Variants in ALKBH3 observed in about 807,000 individuals in gnomAD.
The protein encoded by ALKBH3 is alpha-ketoglutarate-dependent dioxygenase alkB homolog 3.
In ALKBH3, 51 loss-of-function variants were observed where a neutral mutation model predicts 43.9. The ratio of observed to expected loss-of-function variants is 1.16; its 90% CI spans 0.93 to 1.47. ALKBH3 has a LOEUF of 1.47. ALKBH3 is among the 40% of genes most tolerant of loss of function. ALKBH3 has a pLI of 0.00. For missense variants in ALKBH3, 361 were observed against 351.9 expected (o/e 1.03, Z -0.21); for synonymous variants, 102 against 115.2 (o/e 0.89, Z 0.73).
intron 7 of ALKBH3, among the ~76,000 whole-genome samples, chr11:43,892,825 TG>T (rs1951793422): frequency 6.6e-6 from 1 of 152,202 alleles, no homozygotes; most frequent in African/African-American, 2.4e-5. Context: ...CACAGAAATG[TG>T]ACACATTTCA....
chr11:43,891,955 C>A, intron 6 of ALKBH3, 86 bp from the exon 7 acceptor site: 2 of 984,726 alleles, frequency 2.0e-6, no homozygotes, highest in South Asian at 1.4e-5. Context: ...TTTCTCATAG[C>A]ACATTGCAAG....
At chr11:43,902,565 G>A (rs2460125) in intron 8 of ALKBH3, among the ~76,000 whole-genome samples, 127,143 of 152,234 alleles carry the variant, frequency 0.84, 53,962 homozygotes, top group East Asian at 0.98. Context: ...AGACCCAGTC[G>A]GTGTGGAAGG....
intron 2 of ALKBH3, 111 bp from the exon 3 acceptor site, chr11:43,882,974 T>G: frequency 1.1e-6 from 1 of 911,496 alleles, no homozygotes; most frequent in South Asian, 1.7e-5. Flanking sequence ...CCAGTTAGTT[T>G]CTACATGTCA....
rs567532090 is a variant in ALKBH3 at position 43,902,960 on chromosome 11, C to T, written c.669+1235C>T. On this transcript the variant is annotated intron_variant, in intron 8 of 9. Coordinates refer to ENST00000302708, the MANE Select transcript of ALKBH3 (RefSeq NM_139178.4). ...ATTATTAGTTCTTGTGTCAGTTCTT[C>T]GTCAGATATACTTCCATAAGAATAC... Among the ~76,000 whole-genome samples the T allele has an allele frequency of 1.2e-3, 187 of 152,286 alleles. 1 individual carries two copies. Among genetic ancestry groups the T allele is most frequent in the African/African-American group, 4.1e-3 (169 of 41,572 alleles).
At chr11:43,916,025 A>G (rs1380550469) in intron 8 of ALKBH3, among the ~76,000 whole-genome samples, 1 of 152,264 alleles carries the variant, frequency 6.6e-6, no homozygotes, top group Non-Finnish European at 1.5e-5. Flanking sequence ...TTTATATTCT[A>G]GAAGGAAAAC....
rs774168746 is a variant in ALKBH3 at position 43,901,687 on chromosome 11, G to T, written c.631G>T (p.Ala211Ser). ...CATTATTGCTTCACTAAGTTTTGGT[G>T]CCACACGCACATTTGAGATGAGAAA... is the stretch of plus-strand genomic sequence containing the variant. ...CPIIASLSFGATRTFEMRKKP... is the reference protein window; with the variant it reads ...CPIIASLSFGSTRTFEMRKKP... Residue 211 changes from alanine (A) to serine (S), a missense_variant, in exon 8 of 10, where the codon GCC (alanine) becomes TCC (serine). Transcript: ENST00000302708. 3.1e-6 allele frequency: 5 copies of T among 1,614,250 alleles called. No individual in the cohort carries two copies. In the South Asian group the frequency reaches 5.5e-5, roughly 18 times the overall value.
intron 1 of ALKBH3, among the ~76,000 whole-genome samples, chr11:43,881,631 G>C (rs1951711719): frequency 1.3e-5 from 2 of 152,218 alleles, no homozygotes; most frequent in Admixed American, 1.3e-4. Flanking sequence ...TGAATTACAT[G>C]CTTATCATCT....
chr11:43,882,719 A>G lies in ALKBH3; in HGVS notation c.67A>G (p.Ile23Val). The G allele has an allele frequency of 1.2e-6, 2 of 1,612,506 alleles. No individual in the cohort carries two copies. Among genetic ancestry groups the G allele is most frequent in the Non-Finnish European group, 1.7e-6 (2 of 1,179,558 alleles). Reference protein sequence around the residue: ...AWAAPVKSQAIAQPATTAKSH... With the variant: ...AWAAPVKSQAVAQPATTAKSH... Reference sequence around the variant, plus strand: ...GGCTGCCCCTGTTAAAAGCCAGGCCATTGCTCAGCCAGGCAAGAATCTGTA... The same window carrying G: ...GGCTGCCCCTGTTAAAAGCCAGGCCGTTGCTCAGCCAGGCAAGAATCTGTA... Residue 23 changes from isoleucine (I) to valine (V), a missense_variant, in exon 2 of 10, where the codon ATT (isoleucine) becomes GTT (valine). Coordinates refer to ENST00000302708, the MANE Select transcript of ALKBH3 (RefSeq NM_139178.4).
intron 9 of ALKBH3, chr11:43,919,537 T>A (rs1328245917): frequency 3.6e-6 from 1 of 276,330 alleles, no homozygotes; most frequent in Non-Finnish European, 6.8e-6. Context: ...CATGCCATTT[T>A]TAGGCCAGAT....
Position 43,884,022 on chromosome 11 carries a change from G to C in ALKBH3, c.218+5G>C, listed in dbSNP as rs199712625. 38 of 1,613,906 alleles carry C rather than the reference G, an allele frequency of 2.4e-5. No homozygotes were observed. In the East Asian group the frequency reaches 8.0e-4, roughly 34 times the overall value. ...TCCTGAGCCACGAGTGATTGAGTAA[G>C]TAATTTGCTGTCTTCCTGTAATTGT... On this transcript the variant is annotated splice_donor_5th_base_variant and intron_variant, in intron 4 of 9. Coordinates refer to ENST00000302708, the MANE Select transcript of ALKBH3 (RefSeq NM_139178.4).
At chr11:43,886,722 C>T in intron 5 of ALKBH3, 69 bp downstream of exon 5, 1 of 1,485,764 alleles carries the variant, frequency 6.7e-7, no homozygotes, top group African/African-American at 1.4e-5. Context: ...TAGTTTACTC[C>T]CCTAGAGAAA....
chr11:43,887,223 G>T (rs1951752571), intron 5 of ALKBH3, among the ~76,000 whole-genome samples: 1 of 152,066 alleles, frequency 6.6e-6, no homozygotes, highest in Admixed American at 6.6e-5. Flanking sequence ...AATATTTTCA[G>T]GTATAGTTCC....
Position 43,920,074 on chromosome 11 carries a change from C to T in ALKBH3, c.*64C>T, listed in dbSNP as rs569584893. ...CAAACCTTCCACTGAGAAGCCACTT[C>T]AAGAGGCTGGTGCTGCTAGATCTCA... On this transcript the variant is annotated 3_prime_UTR_variant, in exon 10 of 10. Coordinates refer to ENST00000302708, the MANE Select transcript of ALKBH3 (RefSeq NM_139178.4). 2.8e-5 allele frequency: 40 copies of T among 1,447,766 alleles called. No homozygotes were observed. In the African/African-American group the frequency reaches 4.6e-4, roughly 17 times the overall value. The allele number at this position is 1,447,766 out of a possible 1,614,324, so 89.7% of individuals were successfully genotyped here. A position where few individuals can be genotyped will look rare whatever the true frequency, so the allele number is the denominator to read the frequency against.
chr11:43,883,969 C>T lies in ALKBH3; in HGVS notation c.184-14C>T, dbSNP rs757546589. On this transcript the variant is annotated splice_polypyrimidine_tract_variant and intron_variant, in intron 3 of 9. Transcript: ENST00000302708. ...AGAACATCCCAGAAGTAAGATCCGCCTATTTCCTTGCAGGTAGTACGTAGA... is the reference window on the plus strand; with the variant it reads ...AGAACATCCCAGAAGTAAGATCCGCTTATTTCCTTGCAGGTAGTACGTAGA... The T allele has an allele frequency of 1.2e-6, 2 of 1,613,526 alleles. No individual in the cohort carries two copies. The highest frequency in any genetic ancestry group is 1.3e-5 in the African/African-American group (1 of 74,990).
At chr11:43,908,474 T>G (rs1180981683) in intron 8 of ALKBH3, among the ~76,000 whole-genome samples, 1 of 152,110 alleles carries the variant, frequency 6.6e-6, no homozygotes, top group East Asian at 1.9e-4. Flanking sequence ...TGTTCTCATA[T>G]GCTTTCAGAG....
chr11:43,885,950 C>A (rs938855611), intron 4 of ALKBH3, among the ~76,000 whole-genome samples: 2 of 152,156 alleles, frequency 1.3e-5, no homozygotes, highest in African/African-American at 4.8e-5. Flanking sequence ...GAGTTTTCCA[C>A]TGGACCAAAG....
chr11:43,885,734 T>C (rs1001080883), intron 4 of ALKBH3, among the ~76,000 whole-genome samples: 1 of 152,216 alleles, frequency 6.6e-6, no homozygotes, highest in African/African-American at 2.4e-5. Context: ...AATCTACCTA[T>C]TCCTTGCACC....
chr11:43,914,870 A>G (rs114293608), intron 8 of ALKBH3, among the ~76,000 whole-genome samples: 1 of 152,306 alleles, frequency 6.6e-6, no homozygotes, highest in African/African-American at 2.4e-5. Flanking sequence ...GAGAGTGTTC[A>G]CAGCAGAAGA....
At position 43,886,053 on chromosome 11, in the gene ALKBH3, G is replaced by C. The variant is rs572305900; in HGVS notation, c.219-553G>C. On this transcript the variant is annotated intron_variant, in intron 4 of 9. Coordinates refer to ENST00000302708, the MANE Select transcript of ALKBH3 (RefSeq NM_139178.4). ...TAGAAACGTAGTGGTGTATTCAGGA[G>C]ATTCCAAGCAGTTGATTGCTGCTGG... 9.7e-4 allele frequency among the ~76,000 whole-genome samples: 148 copies of C among 152,300 alleles called. 1 individual carries two copies. The highest frequency in any genetic ancestry group is 3.4e-3 in the Middle Eastern group (1 of 294).
Sources: gnomAD v4.1 joint callset for allele counts (sites outside exome capture counted in the v4.1 genomes callset) on GRCh38, gnomAD v4.1.1 for gene constraint, MANE v1.5 for transcripts, NCBI Gene and HGNC (gene_info 2026-07-23, HGNC 2026-07-21) for gene names.